Variants in NUP155 observed in about 807,000 individuals in gnomAD.
NUP155 encodes nucleoporin 155, also known as nuclear pore complex protein Nup155.
NUP155 carries 71 observed loss-of-function variants against 180.4 expected under a neutral mutation model. The observed-to-expected ratio is 0.39, with a 90% CI of 0.33 to 0.48. NUP155 has a LOEUF of 0.48. NUP155 is among the 20% of genes least tolerant of loss of function. The pLI, the probability that NUP155 is intolerant of heterozygous loss-of-function variation, is 0.91. For missense variants in NUP155, 1,553 were observed against 1,648.9 expected (o/e 0.94, Z 1.01); for synonymous variants, 582 against 559.5 (o/e 1.04, Z -0.57).
chr5:37,291,821 A>G lies in NUP155; in HGVS notation c.*79T>C. On this transcript the variant is annotated 3_prime_UTR_variant, in exon 35 of 35. Transcript: ENST00000231498. ...ATTAAGATTGTTCTTACATTCTTAG[A>G]TTTAGAACACCTGATATCTGGACCC... The G allele has an allele frequency of 7.6e-7, 1 of 1,323,166 alleles. No homozygotes were observed. Among genetic ancestry groups the G allele is most frequent in the South Asian group, 1.2e-5 (1 of 83,704 alleles). The allele number at this position is 1,323,166 out of a possible 1,614,324, so 82.0% of individuals were successfully genotyped here.
intron 15 of NUP155, among the ~76,000 whole-genome samples, chr5:37,329,592 G>C (rs1177677787): frequency 6.6e-6 from 1 of 152,164 alleles, no homozygotes; most frequent in Non-Finnish European, 1.5e-5. Context: ...TGGTTAGATA[G>C]TACTTCAAAA....
Position 37,350,103 on chromosome 5 carries a change from A to T in NUP155, c.829+57T>A. Reference sequence around the variant, plus strand: ...ATGATAATTTCTGAAGAAAACGTTGAGGGAACAATGTGTTAGAAATTAGTT... The same window carrying T: ...ATGATAATTTCTGAAGAAAACGTTGTGGGAACAATGTGTTAGAAATTAGTT... On this transcript the variant is annotated intron_variant, in intron 7 of 34. Transcript: ENST00000231498. 3 of 1,136,340 alleles carry T rather than the reference A, an allele frequency of 2.6e-6. No individual in the cohort carries two copies. In the South Asian group the frequency reaches 3.7e-5, roughly 14 times the overall value. 70.4% of individuals were successfully genotyped at this position (1,136,340 alleles called of 1,614,324 possible).
Position 37,291,867 on chromosome 5 carries a change from G to C in NUP155, c.*33C>G. 1 of 1,604,236 alleles carries C rather than the reference G, an allele frequency of 6.2e-7. No homozygotes were observed. Among genetic ancestry groups the C allele is most frequent in the Non-Finnish European group, 8.5e-7 (1 of 1,171,404 alleles). Reference sequence around the variant, plus strand: ...GACCCAGCTGAGTTTTTATTTTACAGATCATAAAACGGATGAAAGTATATC... The same window carrying C: ...GACCCAGCTGAGTTTTTATTTTACACATCATAAAACGGATGAAAGTATATC... On this transcript the variant is annotated 3_prime_UTR_variant, in exon 35 of 35. Transcript: ENST00000231498.
intron 10 of NUP155, among the ~76,000 whole-genome samples, chr5:37,341,907 G>GA (rs1249008930): frequency 6.6e-6 from 1 of 152,160 alleles, no homozygotes; most frequent in East Asian, 1.9e-4. Flanking sequence ...AATGTCACTC[G>GA]AAATTGAGAG....
intron 1 of NUP155, among the ~76,000 whole-genome samples, chr5:37,368,617 C>G (rs1747759933): frequency 6.6e-6 from 1 of 151,766 alleles, no homozygotes; most frequent in African/African-American, 2.4e-5. Flanking sequence ...GTCAGGAGAT[C>G]AAGACCAACC....
intron 22 of NUP155, 113 bp downstream of exon 22, chr5:37,314,085 T>A: frequency 1.3e-6 from 1 of 785,916 alleles, no homozygotes; most frequent in Non-Finnish European, 2.1e-6. Flanking sequence ...ACATACTAAC[T>A]TCATCATAAC....
intron 25 of NUP155, 140 bp downstream of exon 25, chr5:37,307,151 TCACACG>T: frequency 6.9e-6 from 5 of 729,442 alleles, no homozygotes; most frequent in Non-Finnish European, 1.1e-5. Flanking sequence ...TGAGCCAAGA[TCACACG>T]ACTGCACTCC....
intron 9 of NUP155, among the ~76,000 whole-genome samples, chr5:37,345,729 C>A (rs964632723): frequency 6.6e-6 from 1 of 151,380 alleles, no homozygotes; most frequent in East Asian, 1.9e-4. Flanking sequence ...ATGGTGAAAC[C>A]CTGTCTCTAC....
chr5:37,325,768 C>CAAAA lies in NUP155; in HGVS notation c.2091+129_2091+132dup, dbSNP rs58741619. 7.6e-4 allele frequency: 274 copies of CAAAA among 360,816 alleles called. 1 individual carries two copies. Among genetic ancestry groups the CAAAA allele is most frequent in the African/African-American group, 2.7e-3 (66 of 24,332 alleles). The allele number at this position is 360,816 out of a possible 1,614,324, so 22.4% of individuals were successfully genotyped here. On this transcript the variant is annotated intron_variant, in intron 19 of 34. Coordinates refer to ENST00000231498, the MANE Select transcript of NUP155 (RefSeq NM_153485.3). ...TGGGAGACAGAGCAGGACTCTGTCT[C>CAAAA]AAAAAAAAAAAAAAAAAAAAAAATA...
intron 27 of NUP155, 71 bp from the exon 28 acceptor site, chr5:37,303,485 T>C (rs1343785199): frequency 3.8e-6 from 5 of 1,305,052 alleles, no homozygotes; most frequent in Non-Finnish European, 5.5e-6. Context: ...AAGGAAAATA[T>C]AGTATTTTTA....
At chr5:37,369,049 T>G (rs1747788845) in intron 1 of NUP155, among the ~76,000 whole-genome samples, 1 of 152,110 alleles carries the variant, frequency 6.6e-6, no homozygotes. Context: ...TGCCAGGAAT[T>G]TGAGACCAGC....
chr5:37,304,598 C>A lies in NUP155; in HGVS notation c.3162+141G>T. ...CTACTTTGCCCCTTAGGAAAAGATA[C>A]TGCATTACTCAGCTTTATACTAACA... On this transcript the variant is annotated intron_variant, in intron 27 of 34. Coordinates refer to ENST00000231498, the MANE Select transcript of NUP155 (RefSeq NM_153485.3). 5 of 680,554 alleles carry A rather than the reference C, an allele frequency of 7.3e-6. No individual in the cohort carries two copies. In the South Asian group the frequency reaches 9.1e-5, roughly 12 times the overall value. 42.2% of individuals were successfully genotyped at this position (680,554 alleles called of 1,614,324 possible). A position where few individuals can be genotyped will look rare whatever the true frequency, so the allele number is the denominator to read the frequency against.
chr5:37,331,345 T>G (rs1050140639), intron 14 of NUP155, among the ~76,000 whole-genome samples: 2 of 151,980 alleles, frequency 1.3e-5, no homozygotes, highest in South Asian at 2.1e-4. Flanking sequence ...GAGGCCGAGG[T>G]GGGCGGATCA....
intron 11 of NUP155, among the ~76,000 whole-genome samples, chr5:37,340,037 G>A (rs1745608240): frequency 6.6e-6 from 1 of 152,194 alleles, no homozygotes; most frequent in African/African-American, 2.4e-5. Flanking sequence ...GGGCTTACAG[G>A]CGTGAGCCAC....
intron 9 of NUP155, 142 bp from the exon 10 acceptor site, chr5:37,342,788 G>GCTCTC: frequency 1.6e-6 from 1 of 634,024 alleles, no homozygotes; most frequent in Non-Finnish European, 2.9e-6. Flanking sequence ...CCAGGCTGGA[G>GCTCTC]GAGAGTGGCG....
At chr5:37,361,691 G>A (rs565612669) in intron 3 of NUP155, among the ~76,000 whole-genome samples, 1 of 152,182 alleles carries the variant, frequency 6.6e-6, no homozygotes, top group Non-Finnish European at 1.5e-5. Flanking sequence ...AAAGCCAATT[G>A]AATATTTAAA....
chr5:37,361,596 A>G (rs900744422), intron 3 of NUP155, among the ~76,000 whole-genome samples: 1 of 152,192 alleles, frequency 6.6e-6, no homozygotes, highest in East Asian at 1.9e-4. Context: ...CTACGATCCA[A>G]TGCTGAGATA....
At position 37,299,499 on chromosome 5, in the gene NUP155, A is replaced by G. The variant is rs1354070555; in HGVS notation, c.3631T>C (p.Tyr1211His). ...GTCTGCACCAATATAGGGTCTGAATAACCGGCACAATGAATTATTGCAAGT... is the reference window on the plus strand; with the variant it reads ...GTCTGCACCAATATAGGGTCTGAATGACCGGCACAATGAATTATTGCAAGT... ...CKLAIIHCAG[Y>H]SDPILVQTLW... is the part of the protein sequence containing the mutation. The change falls in exon 31 of 35, where the codon TAT (tyrosine) becomes CAT (histidine). Residue 1211 changes from tyrosine (Y) to histidine (H), a missense_variant. Tyr to His is a moderately conservative substitution (Grantham distance 83, BLOSUM62 2). Coordinates refer to ENST00000231498, the MANE Select transcript of NUP155 (RefSeq NM_153485.3). 6.2e-7 allele frequency: 1 copy of G among 1,614,146 alleles called. No homozygotes were observed. The highest frequency in any genetic ancestry group is 8.5e-7 in the Non-Finnish European group (1 of 1,179,986).
intron 9 of NUP155, among the ~76,000 whole-genome samples, chr5:37,346,658 T>C (rs1242013642): frequency 6.7e-6 from 1 of 148,658 alleles, no homozygotes; most frequent in East Asian, 2.0e-4. Flanking sequence ...GGGACAAGAG[T>C]GAGACTTTGT....
Sources: gnomAD v4.1 joint callset for allele counts (sites outside exome capture counted in the v4.1 genomes callset) on GRCh38, gnomAD v4.1.1 for gene constraint, MANE v1.5 for transcripts, NCBI Gene and HGNC (gene_info 2026-07-23, HGNC 2026-07-21) for gene names.